The following PIEZO2 variants were observed in gnomAD, a reference collection of about 807,000 sequenced individuals.
The protein encoded by PIEZO2 is piezo type mechanosensitive ion channel component 2, also known as piezo-type mechanosensitive ion channel component 2.
A neutral mutation model predicts 337.3 loss-of-function variants in PIEZO2; 172 were observed. The observed-to-expected ratio is 0.51, with a 90% CI of 0.45 to 0.58. The LOEUF (loss-of-function observed/expected upper bound fraction) is 0.58, where lower values mean the gene tolerates loss of function less well. Among genes scored for constraint, PIEZO2 ranks in the 20% least tolerant of loss-of-function variants. The pLI is 0.00. For synonymous variants in PIEZO2, 1,251 were observed against 1,228.5 expected, an observed-to-expected ratio of 1.02 and a Z score of -0.38; for missense variants, 3,028 against 3,391.3, an observed-to-expected ratio of 0.89 and a Z score of 2.66.
chr18:11,114,351 A>C (rs1355268321), intron 1 of PIEZO2, among the ~76,000 whole-genome samples: 1 of 152,190 alleles, frequency 6.6e-6, no homozygotes, highest in Non-Finnish European at 1.5e-5. Flanking sequence ...AACTGTCTTC[A>C]CTAATAAAGG....
Position 11,148,720 on chromosome 18 carries a change from G to A in PIEZO2, c.-132C>T. 1 of 970,752 alleles carries A rather than the reference G, an allele frequency of 1.0e-6. No homozygotes were observed. The highest frequency in any genetic ancestry group is 1.5e-6 in the Non-Finnish European group (1 of 659,612). The allele number at this position is 970,752 out of a possible 1,614,324, so 60.1% of individuals were successfully genotyped here. Reference sequence around the variant, plus strand: ...GCAGCCACCCGAGCATCGCCTCGGCGCGGGCCGCGACGCTCTCCGCCCCGA... The same window carrying A: ...GCAGCCACCCGAGCATCGCCTCGGCACGGGCCGCGACGCTCTCCGCCCCGA... On this transcript the variant is annotated 5_prime_UTR_variant, in exon 1 of 56. Coordinates refer to ENST00000674853, the MANE Select transcript of PIEZO2 (RefSeq NM_001378183.1). This position sits in a 1 kb window ranked among gnomAD's most constrained non-coding sequence, Gnocchi z 5.2.
At chr18:10,975,697 AAG>A (rs2034415755) in intron 3 of PIEZO2, among the ~76,000 whole-genome samples, 1 of 152,210 alleles carries the variant, frequency 6.6e-6, no homozygotes, top group South Asian at 2.1e-4. Context: ...TCAGATTCCT[AAG>A]AGATGCCGGG....
intron 9 of PIEZO2, among the ~76,000 whole-genome samples, chr18:10,802,069 G>C (rs1598501096): frequency 8.2e-6 from 1 of 121,960 alleles, no homozygotes; most frequent in East Asian, 2.4e-4. Flanking sequence ...CTGGGCGACA[G>C]AGCGAGACTC....
intron 35 of PIEZO2, among the ~76,000 whole-genome samples, chr18:10,733,979 T>C (rs780253032): frequency 6.6e-6 from 1 of 152,200 alleles, no homozygotes; most frequent in Non-Finnish European, 1.5e-5. Context: ...TAACAACTTA[T>C]GTGAAAATAC....
chr18:10,948,606 C>T (rs566469326), intron 3 of PIEZO2, among the ~76,000 whole-genome samples: 9 of 152,122 alleles, frequency 5.9e-5, no homozygotes, highest in East Asian at 1.9e-4. Flanking sequence ...ATCACTTTGG[C>T]GATAGAGATA....
intron 33 of PIEZO2, chr18:10,740,821 T>C (rs139375869): frequency 8.7e-6 from 6 of 690,746 alleles, no homozygotes; most frequent in Admixed American, 4.1e-5. Flanking sequence ...AGCACAAGAA[T>C]GTCAGAACGT....
At position 10,682,017 on chromosome 18, in the gene PIEZO2, C is replaced by T. The variant is rs1051652477; in HGVS notation, c.7686+87G>A. 6.8e-6 allele frequency: 9 copies of T among 1,317,178 alleles called. No individual in the cohort carries two copies. The highest frequency in any genetic ancestry group is 8.1e-6 in the Non-Finnish European group (8 of 983,368). 81.6% of individuals were successfully genotyped at this position (1,317,178 alleles called of 1,614,324 possible). On this transcript the variant is annotated intron_variant, in intron 50 of 55. Coordinates refer to ENST00000674853, the MANE Select transcript of PIEZO2 (RefSeq NM_001378183.1). This position sits in a 1 kb window ranked among gnomAD's most constrained non-coding sequence, Gnocchi z 5.6. Reference sequence around the variant, plus strand: ...AAATGCCGACAGCAGGGTCGGCAGCCCATGACTAAACACCCTACAGACAGC... The same window carrying T: ...AAATGCCGACAGCAGGGTCGGCAGCTCATGACTAAACACCCTACAGACAGC...
rs1380450627 is a variant in PIEZO2, at chr18:10,815,976, A to C, written c.918-8702T>G. Among the ~76,000 whole-genome samples the C allele has an allele frequency of 2.6e-5, 4 of 151,980 alleles. No individual in the cohort carries two copies. The highest frequency in any genetic ancestry group is 6.6e-5 in the Admixed American group (1 of 15,254). On this transcript the variant is annotated intron_variant, in intron 7 of 55. Coordinates refer to ENST00000674853, the MANE Select transcript of PIEZO2 (RefSeq NM_001378183.1). The surrounding 1 kb of genome is among the most constrained non-coding windows in gnomAD (Gnocchi z 4.1). ...TGGAAACATCATCAGTGCAATAAAAACTCCCATTTGGAGAAAGGAGGTGCG... is the reference window on the plus strand; with the variant it reads ...TGGAAACATCATCAGTGCAATAAAACCTCCCATTTGGAGAAAGGAGGTGCG...
chr18:11,098,278 A>G (rs1464200113), intron 1 of PIEZO2, among the ~76,000 whole-genome samples: 1 of 151,316 alleles, frequency 6.6e-6, no homozygotes, highest in East Asian at 1.9e-4. Context: ...CACACACGAA[A>G]AAATAAACAT....
At position 10,766,951 on chromosome 18, in the gene PIEZO2, C is replaced by A. The variant is rs2038386037; in HGVS notation, c.2946+3197G>T. On this transcript the variant is annotated intron_variant, in intron 21 of 55. Transcript: ENST00000674853. This position sits in a 1 kb window ranked among gnomAD's most constrained non-coding sequence, Gnocchi z 6.1. ...ACAAGAAGGAGAAACCTCAGGTCTG[C>A]AAAAGTTTCCTTCCTTCCTTCCTCC... is the stretch of plus-strand genomic sequence containing the variant. Among the ~76,000 whole-genome samples the A allele has an allele frequency of 1.3e-5, 2 of 151,932 alleles. No homozygotes were observed. Among genetic ancestry groups the A allele is most frequent in the African/African-American group, 2.4e-5 (1 of 41,330 alleles).
chr18:10,742,632 C>T lies in PIEZO2; in HGVS notation c.4515-17G>A. 6.5e-7 allele frequency: 1 copy of T among 1,536,554 alleles called. No individual in the cohort carries two copies. Among genetic ancestry groups the T allele is most frequent in the Non-Finnish European group, 8.7e-7 (1 of 1,146,464 alleles). On this transcript the variant is annotated splice_polypyrimidine_tract_variant and intron_variant, in intron 31 of 55. Coordinates refer to ENST00000674853, the MANE Select transcript of PIEZO2 (RefSeq NM_001378183.1). ...CGATCCATCCTATAAAGTAAAATAA[C>T]ATTAGTAATGCCAAGAACATATTCA...
chr18:11,013,617 T>C (rs1183753230), intron 2 of PIEZO2, among the ~76,000 whole-genome samples: 1 of 152,224 alleles, frequency 6.6e-6, no homozygotes, highest in Non-Finnish European at 1.5e-5. Context: ...GAGGTTGTGG[T>C]AGAGCAGATG....
chr18:11,112,175 T>C lies in PIEZO2; in HGVS notation c.64+36350A>G, dbSNP rs1300967734. ...CTCATATTTATGTATGTATTTCTAA[T>C]TTAAGTAATCCTCTAGGTATTTTGT... is the stretch of plus-strand genomic sequence containing the variant. On this transcript the variant is annotated intron_variant, in intron 1 of 55. Coordinates refer to ENST00000674853, the MANE Select transcript of PIEZO2 (RefSeq NM_001378183.1). The surrounding 1 kb of genome is among the most constrained non-coding windows in gnomAD (Gnocchi z 4.3). Among the ~76,000 whole-genome samples the C allele has an allele frequency of 1.3e-5, 2 of 152,238 alleles. No individual in the cohort carries two copies. Among genetic ancestry groups the C allele is most frequent in the Non-Finnish European group, 2.9e-5 (2 of 68,044 alleles).
chr18:11,137,268 C>T (rs2040514572), intron 1 of PIEZO2, among the ~76,000 whole-genome samples: 2 of 152,146 alleles, frequency 1.3e-5, no homozygotes, highest in Non-Finnish European at 2.9e-5. Context: ...CAGTTCCTAA[C>T]CTTTCTTTGA....
intron 3 of PIEZO2, among the ~76,000 whole-genome samples, chr18:10,918,902 G>A (rs2031201201): frequency 6.6e-6 from 1 of 151,842 alleles, no homozygotes; most frequent in Admixed American, 6.6e-5. Flanking sequence ...ATTGCAATGA[G>A]CAACTATACC....
At chr18:10,787,218 A>G in intron 15 of PIEZO2, 34 bp from the exon 16 acceptor site, 1 of 1,489,160 alleles carries the variant, frequency 6.7e-7, no homozygotes, top group Non-Finnish European at 8.9e-7. Flanking sequence ...AAAAATGAGA[A>G]AAAATCACTT....
At position 10,830,010 on chromosome 18, in the gene PIEZO2, A is replaced by G. The variant is rs2040796138; in HGVS notation, c.918-22736T>C. 6.6e-6 allele frequency among the ~76,000 whole-genome samples: 1 copy of G among 152,096 alleles called. No individual in the cohort carries two copies. The highest frequency in any genetic ancestry group is 6.5e-5 in the Admixed American group (1 of 15,288). On this transcript the variant is annotated intron_variant, in intron 7 of 55. Transcript: ENST00000674853. The surrounding 1 kb of genome is among the most constrained non-coding windows in gnomAD (Gnocchi z 4.7). The stretch of plus-strand genomic sequence containing the variant: ...CACAGTCATCCTGAGCAAGAAGTAC[A>G]AAACTGGAGGAATCACATTACCTCA...
Position 10,672,754 on chromosome 18 carries a change from G to A in PIEZO2, c.8281C>T (p.Leu2761=), listed in dbSNP as rs760698483. The change falls in exon 55 of 56, where the codon CTG becomes TTG. Residue 2761 remains leucine, a synonymous_variant. Transcript: ENST00000674853. The surrounding 1 kb of genome is among the most constrained non-coding windows in gnomAD (Gnocchi z 4.7). Reference sequence around the variant, plus strand: ...TTGTCATTGAAGACCACCAGTTCCAGGGCCTGAGAGTTCGGATTGTATATT... The same window carrying A: ...TTGTCATTGAAGACCACCAGTTCCAAGGCCTGAGAGTTCGGATTGTATATT... ...NRIYNPNSQA[L]ELVVFNDKVS... The A allele has an allele frequency of 4.9e-5, 79 of 1,614,000 alleles. No homozygotes were observed. The highest frequency in any genetic ancestry group is 6.4e-5 in the Non-Finnish European group (75 of 1,180,012).
rs745701453 is a variant in PIEZO2 at position 10,742,506 on chromosome 18, C to T, written c.4624G>A (p.Glu1542Lys). The change falls in exon 32 of 56, where the codon GAG (glutamate) becomes AAG (lysine). Residue 1542 changes from glutamate (E) to lysine (K), a missense_variant. Glu to Lys is a moderately conservative substitution (Grantham distance 56). Coordinates refer to ENST00000674853, the MANE Select transcript of PIEZO2 (RefSeq NM_001378183.1). ...EGQDMQKLSE[E>K]DDEREADKQK... ...TGTCTTGACATACTTTCATCATCCT[C>T]TTCAGAGAGTTTTTGCATGTCCTGG... The T allele has an allele frequency of 2.7e-5, 42 of 1,537,096 alleles. No individual in the cohort carries two copies. The highest frequency in any genetic ancestry group is 3.5e-5 in the Non-Finnish European group (40 of 1,146,908).
Sources: gnomAD v4.1 joint callset for allele counts (sites outside exome capture counted in the v4.1 genomes callset) on GRCh38, gnomAD v4.1.1 for gene constraint, Gnocchi (gnomAD v3.1) non-coding constraint, MANE v1.5 for transcripts, NCBI Gene and HGNC (gene_info 2026-07-23, HGNC 2026-07-21) for gene names.